Variants in DMD observed in about 807,000 individuals in gnomAD.
DMD encodes the protein dystrophin.
In DMD, 63 loss-of-function variants were observed where a neutral mutation model predicts 330.1. That is an observed-to-expected ratio of 0.19 (90% CI 0.16 to 0.24). The LOEUF (loss-of-function observed/expected upper bound fraction) is 0.24. Ranked by LOEUF, DMD falls within the 10% of genes least tolerant of loss-of-function variation. DMD has a pLI of 1.00. For missense variants in DMD, 3,344 were observed against 2,684.1 expected (o/e 1.25, Z -5.43); for synonymous variants, 1,223 against 959.8 (o/e 1.27, Z -5.07).
At chrX:31,276,032 G>C (rs941253402) in intron 62 of DMD, among the ~76,000 whole-genome samples, 1 of 112,094 alleles carries the variant, frequency 8.9e-6, no homozygotes, top group East Asian at 2.8e-4. Context: ...TTTAAGAAGC[G>C]AGGAAAATTT....
intron 30 of DMD, among the ~76,000 whole-genome samples, chrX:32,404,383 GC>G (rs1307327810): frequency 9.0e-6 from 1 of 111,191 alleles, no homozygotes; most frequent in East Asian, 2.8e-4. Context: ...TAATTATGAG[GC>G]ACTCTTCTTT....
At chrX:32,725,960 T>A (rs188717748) in intron 7 of DMD, among the ~76,000 whole-genome samples, 1 of 111,026 alleles carries the variant, frequency 9.0e-6, no homozygotes, top group Admixed American at 9.6e-5. Flanking sequence ...TCTATACATA[T>A]ATACACATAC....
intron 43 of DMD, among the ~76,000 whole-genome samples, chrX:32,249,441 A>G (rs1202337825): frequency 8.9e-6 from 1 of 112,082 alleles, no homozygotes; most frequent in Non-Finnish European, 1.9e-5. Flanking sequence ...ATTTCAAAGA[A>G]TCTTGAAATA....
chrX:32,224,219 G>C (rs750411238), intron 43 of DMD, among the ~76,000 whole-genome samples: 6 of 111,026 alleles, frequency 5.4e-5, no homozygotes, highest in Non-Finnish European at 1.1e-4. Flanking sequence ...ATACAAGGTA[G>C]TCCACTTTAT....
At position 32,854,571 on chromosome X, in the gene DMD, C is replaced by CAAA. The variant is rs1201969423; in HGVS notation, c.94-4754_94-4752dup. ...AGTTTACAGCAATAAGCACTTGTAT[C>CAAA]AAAAAAAAAAAAAAAAGAGAAACAA... On this transcript the variant is annotated intron_variant, in intron 2 of 78. Transcript: ENST00000357033. Among the ~76,000 whole-genome samples the CAAA allele has an allele frequency of 2.6e-4, 16 of 61,622 alleles. No homozygotes were observed. In the East Asian group the frequency reaches 3.0e-3, roughly 11 times the overall value. The allele number at this position is 61,622 out of a possible 115,157, so 53.5% of individuals were successfully genotyped here.
intron 76 of DMD, among the ~76,000 whole-genome samples, chrX:31,142,277 G>T (rs2036150485): frequency 9.0e-6 from 1 of 111,338 alleles, no homozygotes; most frequent in South Asian, 3.8e-4. Flanking sequence ...GTGTTTAGGG[G>T]TGAAGTGTTA....
intron 4 of DMD, among the ~76,000 whole-genome samples, chrX:32,838,100 TAAA>T (rs2079818553): frequency 8.9e-6 from 1 of 111,864 alleles, no homozygotes; most frequent in African/African-American, 3.3e-5. Context: ...TTAATGGCTC[TAAA>T]AATATATTTC....
At chrX:32,651,314 T>A (rs1396101319) in intron 9 of DMD, among the ~76,000 whole-genome samples, 1 of 109,685 alleles carries the variant, frequency 9.1e-6, no homozygotes, top group African/African-American at 3.3e-5. Flanking sequence ...GGCTAATTTT[T>A]ATATTTTTAA....
At chrX:32,743,972 T>C (rs188937187) in intron 7 of DMD, among the ~76,000 whole-genome samples, 1 of 111,315 alleles carries the variant, frequency 9.0e-6, no homozygotes, top group East Asian at 2.8e-4. Flanking sequence ...AATAAATATA[T>C]AGAAACTATG....
At chrX:32,530,991 G>C (rs1291011595) in intron 17 of DMD, among the ~76,000 whole-genome samples, 1 of 111,670 alleles carries the variant, frequency 9.0e-6, no homozygotes, top group African/African-American at 3.3e-5. Context: ...ATAAATAAAT[G>C]TGGGTCACTA....
At chrX:33,010,624 T>C (rs148756969) in intron 2 of DMD, among the ~76,000 whole-genome samples, 1,301 of 111,199 alleles carry the variant, frequency 0.012, 26 homozygotes, top group African/African-American at 0.04. Context: ...CGAAGAATGC[T>C]CAATCAGTAT....
Position 31,846,601 on chromosome X carries a change from T to A in DMD, c.7099-9782A>T, listed in dbSNP as rs1192007703. ...CAACACTGTAACAAATTCAAAAGGC[T>A]GGATATTTCTTCCTTTAAAATTGCT... On this transcript the variant is annotated intron_variant, in intron 48 of 78. Coordinates refer to ENST00000357033, the MANE Select transcript of DMD (RefSeq NM_004006.3). Among the ~76,000 whole-genome samples the A allele has an allele frequency of 3.6e-5, 4 of 112,026 alleles. No individual in the cohort carries two copies. In the East Asian group the frequency reaches 1.1e-3, roughly 31 times the overall value.
At chrX:31,570,980 C>T (rs1355021103) in intron 55 of DMD, among the ~76,000 whole-genome samples, 2 of 111,770 alleles carry the variant, frequency 1.8e-5, no homozygotes, top group Admixed American at 1.9e-4. Context: ...ATGTTTTTCT[C>T]TTAAGTTTCT....
At chrX:31,725,402 C>T (rs5972439) in intron 52 of DMD, among the ~76,000 whole-genome samples, 28,620 of 109,403 alleles carry the variant, frequency 0.26, 3,216 homozygotes, top group African/African-American at 0.41. Flanking sequence ...TGGTGGGGGG[C>T]GAAATAACTA....
At chrX:32,541,918 C>A (rs2048522715) in intron 17 of DMD, among the ~76,000 whole-genome samples, 1 of 111,616 alleles carries the variant, frequency 9.0e-6, no homozygotes, top group Non-Finnish European at 1.9e-5. Flanking sequence ...TGAATTATAA[C>A]TAAAATATGT....
At chrX:31,157,869 T>C (rs1422133270) in intron 74 of DMD, among the ~76,000 whole-genome samples, 1 of 107,793 alleles carries the variant, frequency 9.3e-6, no homozygotes, top group East Asian at 2.9e-4. Context: ...AGTGGTGTAA[T>C]CATAGCTCAC....
intron 9 of DMD, among the ~76,000 whole-genome samples, chrX:32,688,124 C>T (rs6527216): frequency 0.15 from 16,593 of 110,995 alleles, 2,916 homozygotes; most frequent in African/African-American, 0.5. Flanking sequence ...GCTTAAACAC[C>T]GGAACACAGA....
chrX:32,807,119 AT>A (rs1314307480), intron 7 of DMD, among the ~76,000 whole-genome samples: 4 of 79,816 alleles, frequency 5.0e-5, no homozygotes, highest in African/African-American at 2.1e-4. Flanking sequence ...AGACGGAAAC[AT>A]TTAAAAAAAA....
rs772556187 is a variant in DMD at position 33,175,103 on chromosome X, A to C, written c.31+36179T>G. ...TGGGAGGAGTTGCAAAATATATGAG[A>C]TATAGCCACCTTCTGTATCAGAAGG... On this transcript the variant is annotated intron_variant, in intron 1 of 78. Coordinates refer to ENST00000357033, the MANE Select transcript of DMD (RefSeq NM_004006.3). 2.7e-5 allele frequency among the ~76,000 whole-genome samples: 3 copies of C among 112,292 alleles called. No homozygotes were observed. In the South Asian group the frequency reaches 1.1e-3, roughly 41 times the overall value.
Sources: allele counts gnomAD v4.1 joint callset (sites outside exome capture counted in the v4.1 genomes callset), GRCh38; gene constraint gnomAD v4.1.1; transcripts MANE v1.5; gene names NCBI Gene and HGNC (gene_info 2026-07-23, HGNC 2026-07-21).